The following OTOG variants were observed in gnomAD, a reference collection of about 807,000 sequenced individuals.
OTOG encodes the protein otogelin.
A neutral mutation model predicts 313.8 loss-of-function variants in OTOG; 296 were observed. The ratio of observed to expected loss-of-function variants is 0.94; its 90% confidence interval spans 0.86 to 1.04. The LOEUF (loss-of-function observed/expected upper bound fraction) is 1.04, where lower values mean the gene tolerates loss of function less well. Ranked by LOEUF, OTOG falls within the 50% of genes least tolerant of loss-of-function variation. The pLI is 0.00. For synonymous variants in OTOG, 1,533 were observed against 1,554.9 expected (o/e 0.99, Z 0.33); for missense variants, 3,948 against 3,840.1 (o/e 1.03, Z -0.74).
At chr11:17,598,145 G>A (rs1338229871) in intron 30 of OTOG, among the ~76,000 whole-genome samples, 2 of 152,166 alleles carry the variant, frequency 1.3e-5, no homozygotes, top group Non-Finnish European at 2.9e-5. Flanking sequence ...GTGCCTATGT[G>A]CATTACTTCA....
At position 17,552,001 on chromosome 11, in the gene OTOG, A is replaced by G. The variant is rs969812555; in HGVS notation, c.218A>G (p.Gln73Arg). Residue 73 changes from glutamine (Q) to arginine (R), a missense_variant and splice_region_variant, in exon 4 of 56, where the codon CAG (glutamine) becomes CGG (arginine). Physicochemically the swap from Gln to Arg is conservative, Grantham distance 43. Transcript: ENST00000399397. The part of the protein sequence containing the change: ...GDKATVVGGQ[Q>R]AEAPDSVAMS... ...TTCTCTTCCTCCTGTCTTCACAAGCAGGCTGAAGCCCCAGACTCCGTGGCC... is the reference window on the plus strand; with the variant it reads ...TTCTCTTCCTCCTGTCTTCACAAGCGGGCTGAAGCCCCAGACTCCGTGGCC... 5 of 1,550,332 alleles carry G rather than the reference A, an allele frequency of 3.2e-6. No homozygotes were observed. In the African/African-American group the frequency reaches 5.5e-5, roughly 17 times the overall value.
intron 6 of OTOG, among the ~76,000 whole-genome samples, chr11:17,554,875 A>G (rs1224020848): frequency 6.6e-6 from 1 of 152,240 alleles, no homozygotes; most frequent in African/African-American, 2.4e-5. Flanking sequence ...ATAAAATAGA[A>G]AATATTGTAA....
In OTOG at chr11:17,606,090, G is replaced by A. The variant is rs1853381300; in HGVS notation, c.4111G>A (p.Glu1371Lys). 7 of 1,549,592 alleles carry A rather than the reference G, an allele frequency of 4.5e-6. No individual in the cohort carries two copies. In the East Asian group the frequency reaches 7.3e-5, roughly 16 times the overall value. Reference sequence around the variant, plus strand: ...CGCGGTGCTGGCCCTGCGGCTGTACGAACACACAGAGGTGTTCCGCCGGGG... The same window carrying A: ...CGCGGTGCTGGCCCTGCGGCTGTACAAACACACAGAGGTGTTCCGCCGGGG... The part of the protein sequence containing the change: ...SGAVLALRLY[E>K]HTEVFRRGTL... The change falls in exon 33 of 56, where the codon GAA becomes AAA. Residue 1371 changes from glutamate to lysine, a missense_variant. Transcript: ENST00000399397.
rs773263124 is a variant in OTOG, at chr11:17,640,744, G to A, written c.7936-1G>A. 8 of 1,549,672 alleles carry A rather than the reference G, an allele frequency of 5.2e-6. No individual in the cohort carries two copies. Among genetic ancestry groups the A allele is most frequent in the Non-Finnish European group, 7.0e-6 (8 of 1,146,986 alleles). ...GTGCTGACTGCCTCTGCCCCACCCA[G>A]TGGGAGAAATCCCAGCTGGATGAGG... On this transcript the variant is annotated splice_acceptor_variant, in intron 49 of 55. Transcript: ENST00000399397. LOFTEE classifies it high-confidence loss of function.
At chr11:17,595,199 C>T (rs887528084) in intron 28 of OTOG, among the ~76,000 whole-genome samples, 4 of 152,164 alleles carry the variant, frequency 2.6e-5, no homozygotes, top group African/African-American at 9.7e-5. Context: ...AGGGTTCCCA[C>T]AGCCTCTGAA....
rs1853545129 is a variant in OTOG, at chr11:17,611,405, T to A, written c.6105T>A (p.Asn2035Lys). ...CTTTGGCAACTACCACTGAGGCCAATACATCCACCACCTGTGTTGTGAGTG... is the reference window on the plus strand; with the variant it reads ...CTTTGGCAACTACCACTGAGGCCAAAACATCCACCACCTGTGTTGTGAGTG... The part of the protein sequence containing the change: ...AEALATTTEA[N>K]TSTTCVPIAE... Residue 2035 changes from asparagine (N) to lysine (K), a missense_variant, in exon 36 of 56, where the codon AAT becomes AAA. Coordinates refer to ENST00000399397, the MANE Select transcript of OTOG (RefSeq NM_001292063.2). The A allele has an allele frequency of 6.5e-7, 1 of 1,531,012 alleles. No homozygotes were observed. The highest frequency in any genetic ancestry group is 2.0e-5 in the Admixed American group (1 of 49,886). The allele number at this position is 1,531,012 out of a possible 1,614,324, so 94.8% of individuals were successfully genotyped here.
At chr11:17,590,167 C>G (rs1434716397) in intron 24 of OTOG, among the ~76,000 whole-genome samples, 1 of 152,214 alleles carries the variant, frequency 6.6e-6, no homozygotes, top group Non-Finnish European at 1.5e-5. Context: ...CCATGCTTCT[C>G]AACTCTAGGC....
At chr11:17,615,643 C>T (rs776735795) in intron 39 of OTOG, among the ~76,000 whole-genome samples, 11 of 152,118 alleles carry the variant, frequency 7.2e-5, no homozygotes, top group Non-Finnish European at 1.5e-4. Flanking sequence ...TATTTAAAAA[C>T]CAACTGGCCA....
intron 52 of OTOG, 61 bp from the exon 53 acceptor site, chr11:17,642,066 T>C (rs1453538899): frequency 6.6e-7 from 1 of 1,518,946 alleles, no homozygotes; most frequent in Non-Finnish European, 8.9e-7. Flanking sequence ...CCAGACCCTA[T>C]GGGTTTGCGC....
intron 39 of OTOG, among the ~76,000 whole-genome samples, chr11:17,628,738 G>A (rs532399513): frequency 1.3e-5 from 2 of 152,184 alleles, no homozygotes; most frequent in Non-Finnish European, 2.9e-5. Flanking sequence ...TGGGAATTTA[G>A]GGAGACTCTC....
intron 39 of OTOG, among the ~76,000 whole-genome samples, chr11:17,616,385 T>C (rs1044649016): frequency 2.6e-5 from 4 of 152,226 alleles, no homozygotes; most frequent in Admixed American, 1.3e-4. Context: ...TAACTTTTCA[T>C]AGAAATTTAG....
rs1848068650 is a variant in OTOG at position 17,645,966 on chromosome 11, T to C, written c.*22T>C. The C allele has an allele frequency of 6.5e-7, 1 of 1,544,108 alleles. No homozygotes were observed. Among genetic ancestry groups the C allele is most frequent in the African/African-American group, 1.4e-5 (1 of 73,020 alleles). ...CTGAGGCCTGGGGGCCCGGGCTAGC[T>C]GGACCACCTCTGCCAGCCCCACTTT... On this transcript the variant is annotated 3_prime_UTR_variant, in exon 56 of 56. Coordinates refer to ENST00000399397, the MANE Select transcript of OTOG (RefSeq NM_001292063.2).
chr11:17,561,804 C>T lies in OTOG; in HGVS notation c.1641C>T (p.Gly547=), dbSNP rs535620249. The change falls in exon 15 of 56, where the codon GGC becomes GGT. Residue 547 remains glycine, a synonymous_variant. Coordinates refer to ENST00000399397, the MANE Select transcript of OTOG (RefSeq NM_001292063.2). ...FTVTLQNAPC[G]LNQDGACVQS... ...TGACATTGCAGAATGCCCCATGTGGCCTGGTAAGAGCTGGGGATCCCCAGG... is the reference window on the plus strand; with the variant it reads ...TGACATTGCAGAATGCCCCATGTGGTCTGGTAAGAGCTGGGGATCCCCAGG... The T allele has an allele frequency of 6.1e-5, 94 of 1,550,158 alleles. No individual in the cohort carries two copies. The highest frequency in any genetic ancestry group is 7.8e-5 in the Non-Finnish European group (89 of 1,146,922).
intron 2 of OTOG, 33 bp downstream of exon 2, chr11:17,548,020 A>T: frequency 9.7e-7 from 1 of 1,029,904 alleles, no homozygotes; most frequent in Non-Finnish European, 1.3e-6. Context: ...GGCCCCACCC[A>T]CAGCTCCCAT....
In OTOG at chr11:17,593,223, G is replaced by A. The variant is rs1366599254; in HGVS notation, c.3037G>A (p.Val1013Ile). ...ATCAGATGTCAGCTTCTCTGTGATT[G>A]TAGAGAATGTGAACTGCTACAGCTC... ...STSDVSFSVI[V>I]ENVNCYSSGM... The change falls in exon 26 of 56, where the codon GTA becomes ATA. Residue 1013 changes from valine to isoleucine, a missense_variant. Coordinates refer to ENST00000399397, the MANE Select transcript of OTOG (RefSeq NM_001292063.2). The A allele has an allele frequency of 1.3e-6, 2 of 1,550,020 alleles. No individual in the cohort carries two copies. The highest frequency in any genetic ancestry group is 1.7e-6 in the Non-Finnish European group (2 of 1,146,450).
At position 17,645,932 on chromosome 11, in the gene OTOG, C is replaced by T; in HGVS notation, c.8730C>T (p.Cys2910=). 6.5e-7 allele frequency: 1 copy of T among 1,549,530 alleles called. No homozygotes were observed. The highest frequency in any genetic ancestry group is 1.2e-5 in the South Asian group (1 of 84,058). The change falls in exon 56 of 56, where the codon TGC becomes TGT. Residue 2910 remains cysteine, a synonymous_variant. Transcript: ENST00000399397. ...YTVQEPTDCA[C]QWS ...TGCAGGAGCCCACCGACTGTGCCTG[C>T]CAGTGGTCCTGAGGCCTGGGGGCCC...
At chr11:17,617,003 T>C (rs1853737258) in intron 39 of OTOG, among the ~76,000 whole-genome samples, 1 of 152,240 alleles carries the variant, frequency 6.6e-6, no homozygotes, top group African/African-American at 2.4e-5. Context: ...ACAGATGTCC[T>C]TTATCAGGTT....
At chr11:17,616,973 A>T (rs189143926) in intron 39 of OTOG, among the ~76,000 whole-genome samples, 233 of 152,348 alleles carry the variant, frequency 1.5e-3, no homozygotes, top group Non-Finnish European at 2.7e-3. Flanking sequence ...GTAAGGCATG[A>T]TGTTAGTTGT....
intron 32 of OTOG, among the ~76,000 whole-genome samples, chr11:17,604,117 C>T (rs991162612): frequency 4.6e-5 from 7 of 152,192 alleles, no homozygotes; most frequent in East Asian, 1.9e-4. Context: ...AGGCGCCAGC[C>T]GTTTGGCTCC....
Sources: gnomAD v4.1 joint callset for allele counts (sites outside exome capture counted in the v4.1 genomes callset) on GRCh38, gnomAD v4.1.1 for gene constraint, MANE v1.5 for transcripts, NCBI Gene and HGNC (gene_info 2026-07-23, HGNC 2026-07-21) for gene names.